COBL: variants seen among roughly 807,000 people sequenced by gnomAD.
COBL encodes cordon-bleu WH2 repeat protein.
In COBL, 51 loss-of-function variants were observed where a neutral mutation model predicts 98.8. That is an observed-to-expected ratio of 0.52 (90% confidence interval 0.41 to 0.65). The LOEUF (loss-of-function observed/expected upper bound fraction) is 0.65. COBL is among the 30% of genes least tolerant of loss of function. The probability of loss-of-function intolerance (pLI) is 0.00; values close to 1 mark genes in which losing one functional copy is unlikely to be tolerated. For missense variants in COBL, 1,617 were observed against 1,617.5 expected (o/e 1.00, Z 0.01); for synonymous variants, 634 against 651.7 (o/e 0.97, Z 0.41).
chr7:51,212,121 G>C (rs895643831), intron 2 of COBL, among the ~76,000 whole-genome samples: 3 of 152,058 alleles, frequency 2.0e-5, no homozygotes, highest in African/African-American at 4.8e-5. Context: ...TAAGATAGAG[G>C]TAAATGTTAT....
Position 51,316,596 on chromosome 7 carries a change from G to A in COBL, c.38C>T (p.Thr13Ile), listed in dbSNP as rs541864014. 901 of 1,207,310 alleles carry A rather than the reference G, an allele frequency of 7.5e-4. 4 individuals carry two copies. The highest frequency in any genetic ancestry group is 7.2e-3 in the Middle Eastern group (22 of 3,068). 74.8% of individuals were successfully genotyped at this position (1,207,310 alleles called of 1,614,324 possible). A position where few individuals can be genotyped will look rare whatever the true frequency, so the allele number is the denominator to read the frequency against. Reference protein sequence around the residue: ...APRASAAKPPTGRKMKARAPP... With the variant: ...APRASAAKPPIGRKMKARAPP... ...GCCCGACCGCGGGGCCGCTTACCCG[G>A]TCGGGGGCTTGGCCGCCGAGGCGCG... The change falls in exon 1 of 13, where the codon ACC becomes ATC. Residue 13 changes from threonine (T) to isoleucine (I), a missense_variant. Thr to Ile is a moderately conservative substitution (Grantham distance 89). Around this residue, in one of 3 missense-constraint regions of COBL, gnomAD observed 238 missense variants for 215.0 expected, o/e 1.11. Coordinates refer to ENST00000265136, the MANE Select transcript of COBL (RefSeq NM_015198.5).
In COBL at chr7:51,029,462, C is replaced by G; in HGVS notation, c.1634G>C (p.Gly545Ala). ...DTDAIPVTFI[G>A]EVSDDPVDSG... ...ATCCACAGGATCATCTGAAACTTCC[C>G]CTATGAATGTTACTGGGATTGCATC... Residue 545 changes from glycine to alanine, a missense_variant, in exon 10 of 13, where the codon GGG becomes GCG. Physicochemically the swap from Gly to Ala is moderately conservative, Grantham distance 60. Transcript: ENST00000265136. 6.2e-7 allele frequency: 1 copy of G among 1,614,110 alleles called. No individual in the cohort carries two copies. The highest frequency in any genetic ancestry group is 1.1e-5 in the South Asian group (1 of 91,080).
chr7:51,050,033 T>C (rs550591001), intron 7 of COBL, among the ~76,000 whole-genome samples: 2 of 152,200 alleles, frequency 1.3e-5, no homozygotes, highest in Non-Finnish European at 2.9e-5. Context: ...TTTAATAACG[T>C]TTTATATTAA....
At chr7:51,260,626 G>A (rs1262488452) in intron 1 of COBL, among the ~76,000 whole-genome samples, 1 of 152,226 alleles carries the variant, frequency 6.6e-6, no homozygotes, top group African/African-American at 2.4e-5. Flanking sequence ...CAAGGCACTG[G>A]TTGAGCTATG....
At chr7:51,267,505 A>G (rs939265439) in intron 1 of COBL, among the ~76,000 whole-genome samples, 1 of 151,928 alleles carries the variant, frequency 6.6e-6, no homozygotes, top group East Asian at 1.9e-4. Flanking sequence ...TTACTAGTAT[A>G]TTGAGAGTAT....
intron 5 of COBL, among the ~76,000 whole-genome samples, chr7:51,140,577 T>C (rs1033289761): frequency 2.0e-5 from 3 of 152,334 alleles, no homozygotes; most frequent in African/African-American, 7.2e-5. Flanking sequence ...ACATATTTGA[T>C]TGCTTCTGTT....
chr7:51,228,132 G>C (rs1187478925), intron 1 of COBL, among the ~76,000 whole-genome samples: 1 of 152,056 alleles, frequency 6.6e-6, no homozygotes, highest in Non-Finnish European at 1.5e-5. Context: ...ACATGCTCTA[G>C]AGCTGGAAAA....
In COBL at chr7:51,136,133, T is replaced by C. The variant is rs1242212529; in HGVS notation, c.957+25A>G. ...CTGTGTCACTGAAAAGATGCTTTGG[T>C]TGTGAGAACAGCCCACTGCCCTACC... On this transcript the variant is annotated intron_variant, in intron 6 of 12. Coordinates refer to ENST00000265136, the MANE Select transcript of COBL (RefSeq NM_015198.5). 9 of 1,595,588 alleles carry C rather than the reference T, an allele frequency of 5.6e-6. No individual in the cohort carries two copies. The South Asian group carries it at 1.0e-4, about 18-fold the overall frequency.
At chr7:51,256,210 T>C (rs895647587) in intron 1 of COBL, among the ~76,000 whole-genome samples, 3 of 152,144 alleles carry the variant, frequency 2.0e-5, no homozygotes, top group African/African-American at 4.8e-5. Context: ...CCTCATCATA[T>C]TGCCCTGGGT....
chr7:51,050,874 A>C (rs1790168448), intron 7 of COBL, among the ~76,000 whole-genome samples: 1 of 152,210 alleles, frequency 6.6e-6, no homozygotes, highest in Non-Finnish European at 1.5e-5. Context: ...AGAACTGAGG[A>C]GTCTTGTCTA....
intron 2 of COBL, among the ~76,000 whole-genome samples, chr7:51,205,233 C>A (rs1321931041): frequency 6.6e-6 from 1 of 152,108 alleles, no homozygotes; most frequent in Non-Finnish European, 1.5e-5. Flanking sequence ...AAGAACAAAC[C>A]TGGAGGTATC....
At chr7:51,060,315 C>T (rs1791201564) in intron 7 of COBL, among the ~76,000 whole-genome samples, 1 of 152,254 alleles carries the variant, frequency 6.6e-6, no homozygotes, top group Admixed American at 6.5e-5. Context: ...AAACTACTAT[C>T]AGTAGCTTGA....
intron 1 of COBL, among the ~76,000 whole-genome samples, chr7:51,271,897 C>T (rs941442995): frequency 3.9e-5 from 6 of 152,068 alleles, no homozygotes; most frequent in Non-Finnish European, 7.4e-5. Flanking sequence ...GGCATGGTGG[C>T]GTGTGCCTGT....
At chr7:51,146,192 G>C (rs1785015808) in intron 5 of COBL, among the ~76,000 whole-genome samples, 1 of 152,220 alleles carries the variant, frequency 6.6e-6, no homozygotes, top group Non-Finnish European at 1.5e-5. Context: ...AAGTGTATCA[G>C]AGAGGGAATA....
intron 7 of COBL, among the ~76,000 whole-genome samples, chr7:51,045,095 C>T (rs1459093190): frequency 6.6e-6 from 1 of 152,224 alleles, no homozygotes; most frequent in Non-Finnish European, 1.5e-5. Context: ...TTGTTCAAGA[C>T]AAATATTGAG....
intron 1 of COBL, among the ~76,000 whole-genome samples, chr7:51,277,382 A>G (rs951947350): frequency 1.3e-5 from 2 of 152,206 alleles, no homozygotes; most frequent in African/African-American, 4.8e-5. Context: ...GAGAGAATAG[A>G]GCAAACACAC....
chr7:51,065,176 G>T, intron 7 of COBL: 1 of 702,832 alleles, frequency 1.4e-6, no homozygotes. Context: ...CAATATTTCA[G>T]AGGTAGGTAA....
intron 5 of COBL, among the ~76,000 whole-genome samples, chr7:51,180,750 T>TTAC (rs146324059): frequency 0.013 from 2,044 of 152,292 alleles, 42 homozygotes; most frequent in African/African-American, 0.046. Context: ...GAATCCTGAA[T>TTAC]TACCTCCTGG....
At chr7:51,305,739 T>C (rs957369401) in intron 1 of COBL, among the ~76,000 whole-genome samples, 4 of 152,248 alleles carry the variant, frequency 2.6e-5, no homozygotes, top group East Asian at 3.9e-4. Context: ...GCTTAAAACA[T>C]TGTACTCGAT....
Sources: allele counts gnomAD v4.1 joint callset (sites outside exome capture counted in the v4.1 genomes callset), GRCh38; gene constraint gnomAD v4.1.1; regional missense constraint gnomAD v4.1.1; transcripts MANE v1.5; gene names NCBI Gene and HGNC (gene_info 2026-07-23, HGNC 2026-07-21).